FAM107B: variants seen among roughly 807,000 people sequenced by gnomAD.
FAM107B encodes the protein family with sequence similarity 107 member B.
A neutral mutation model predicts 31.5 loss-of-function variants in FAM107B; 21 were observed. The ratio of observed to expected loss-of-function variants is 0.67; its 90% CI spans 0.47 to 0.96. The LOEUF (loss-of-function observed/expected upper bound fraction) is 0.96, where lower values mean the gene tolerates loss of function less well. Ranked by LOEUF, FAM107B falls within the 40% of genes least tolerant of loss-of-function variation. The pLI, the probability that FAM107B is intolerant of heterozygous loss-of-function variation, is 0.00. For missense variants in FAM107B, 452 were observed against 377.1 expected (o/e 1.20, Z -1.64); for synonymous variants, 157 against 141.5 (o/e 1.11, Z -0.78).
At chr10:14,622,432 G>A (rs1034493888) in intron 2 of FAM107B, among the ~76,000 whole-genome samples, 13 of 151,286 alleles carry the variant, frequency 8.6e-5, no homozygotes, top group African/African-American at 1.7e-4. Context: ...TCAACCTCCC[G>A]AGTAGCTGGG....
rs1186478281 is a variant in FAM107B, at chr10:14,520,119, C to T, written c.*1071G>A. 6.6e-6 allele frequency: 1 copy of T among 152,600 alleles called. No individual in the cohort carries two copies. The highest frequency in any genetic ancestry group is 1.5e-5 in the Non-Finnish European group (1 of 68,020). The allele number at this position is 152,600 out of a possible 1,614,324, so 9.5% of individuals were successfully genotyped here. ...AAGGAAAAACAAAGATAAAGAAATA[C>T]ATGAGCATTAATCAGAAATTTTCAA... On this transcript the variant is annotated 3_prime_UTR_variant, in exon 5 of 5. Coordinates refer to ENST00000181796, the MANE Select transcript of FAM107B (RefSeq NM_031453.4).
chr10:14,640,520 C>G (rs1204068770), intron 2 of FAM107B, among the ~76,000 whole-genome samples: 1 of 152,162 alleles, frequency 6.6e-6, no homozygotes, highest in African/African-American at 2.4e-5. Flanking sequence ...CCTGGACCAA[C>G]AGAGCTCTGA....
intron 2 of FAM107B, among the ~76,000 whole-genome samples, chr10:14,662,205 C>T (rs1316495515): frequency 6.6e-6 from 1 of 152,108 alleles, no homozygotes; most frequent in Non-Finnish European, 1.5e-5. Flanking sequence ...AAGAACCTCA[C>T]CTCACTTTTA....
chr10:14,730,753 G>A (rs906008776), intron 1 of FAM107B, among the ~76,000 whole-genome samples: 1 of 152,182 alleles, frequency 6.6e-6, no homozygotes, highest in Non-Finnish European at 1.5e-5. Context: ...GATCTATGGT[G>A]ACCAGCCTCC....
chr10:14,740,200 A>C (rs574574013), intron 1 of FAM107B, among the ~76,000 whole-genome samples: 2 of 152,242 alleles, frequency 1.3e-5, no homozygotes, highest in Non-Finnish European at 2.9e-5. Flanking sequence ...ACTTGGAACC[A>C]ACCAAGATGT....
chr10:14,681,798 C>T (rs545340240), intron 1 of FAM107B, among the ~76,000 whole-genome samples: 193 of 152,272 alleles, frequency 1.3e-3, no homozygotes, highest in African/African-American at 4.3e-3. Context: ...TCCAAATACA[C>T]ACAGCGCAAC....
At chr10:14,669,533 G>C (rs1049030864) in intron 1 of FAM107B, among the ~76,000 whole-genome samples, 1 of 152,056 alleles carries the variant, frequency 6.6e-6, no homozygotes, top group Non-Finnish European at 1.5e-5. Flanking sequence ...TAAAGAAAAT[G>C]TGGTAAATAT....
At chr10:14,669,367 C>A (rs200711148) in intron 1 of FAM107B, among the ~76,000 whole-genome samples, 384 of 119,188 alleles carry the variant, frequency 3.2e-3, no homozygotes, top group South Asian at 5.6e-3. Flanking sequence ...GAGACTCTGT[C>A]AAAAAAAAAA....
Position 14,627,528 on chromosome 10 carries a change from C to T in FAM107B, c.469+40106G>A, listed in dbSNP as rs538672028. On this transcript the variant is annotated intron_variant, in intron 2 of 4. Coordinates refer to ENST00000181796, the MANE Select transcript of FAM107B (RefSeq NM_031453.4). ...ATGGCTCACGCCTGTCATCCCAACACTTTGGAAGGCCAAAGTAGGAGGACC... is the reference window on the plus strand; with the variant it reads ...ATGGCTCACGCCTGTCATCCCAACATTTTGGAAGGCCAAAGTAGGAGGACC... 5.3e-5 allele frequency among the ~76,000 whole-genome samples: 8 copies of T among 152,346 alleles called. No individual in the cohort carries two copies. The South Asian group carries it at 1.4e-3, about 28-fold the overall frequency.
chr10:14,592,204 G>C (rs1434344596), intron 2 of FAM107B, among the ~76,000 whole-genome samples: 5 of 152,168 alleles, frequency 3.3e-5, no homozygotes, highest in Non-Finnish European at 5.9e-5. Flanking sequence ...ACAGAAACTA[G>C]GCTATGAATG....
chr10:14,594,162 A>T (rs1223148034), intron 2 of FAM107B, among the ~76,000 whole-genome samples: 1 of 152,184 alleles, frequency 6.6e-6, no homozygotes, highest in Non-Finnish European at 1.5e-5. Context: ...ACTTTAAGAC[A>T]CTATCATCTC....
At chr10:14,726,712 A>G (rs910815581) in intron 1 of FAM107B, among the ~76,000 whole-genome samples, 1 of 152,054 alleles carries the variant, frequency 6.6e-6, no homozygotes, top group Non-Finnish European at 1.5e-5. Context: ...TGTTTCCCAA[A>G]TTATCAGCTG....
At chr10:14,534,958 A>G (rs1443003564) in intron 2 of FAM107B, 1 of 152,178 alleles carries the variant, frequency 6.6e-6, no homozygotes, top group African/African-American at 2.4e-5. Context: ...CACCGCCATA[A>G]GGTGTAGTGC....
intron 2 of FAM107B, among the ~76,000 whole-genome samples, chr10:14,583,399 A>G (rs1458869091): frequency 6.6e-6 from 1 of 152,144 alleles, no homozygotes; most frequent in Non-Finnish European, 1.5e-5. Context: ...TTAGTGACAG[A>G]TGACATGAAG....
intron 2 of FAM107B, among the ~76,000 whole-genome samples, chr10:14,579,965 T>A (rs1215354133): frequency 6.6e-6 from 1 of 150,568 alleles, no homozygotes; most frequent in Admixed American, 6.6e-5. Context: ...GAAGTTGCAG[T>A]GAGCTGAGAT....
At chr10:14,707,776 C>A (rs1261507080) in intron 1 of FAM107B, among the ~76,000 whole-genome samples, 1 of 152,192 alleles carries the variant, frequency 6.6e-6, no homozygotes, top group Non-Finnish European at 1.5e-5. Flanking sequence ...TGGCTCCCAA[C>A]TCCCACTTCA....
chr10:14,652,760 C>G (rs1441255508), intron 2 of FAM107B: 1 of 152,220 alleles, frequency 6.6e-6, no homozygotes, highest in Non-Finnish European at 1.5e-5. Context: ...AGGTAATACG[C>G]TCCTGAATGT....
intron 2 of FAM107B, among the ~76,000 whole-genome samples, chr10:14,580,003 C>T (rs1368358236): frequency 7.3e-6 from 1 of 136,400 alleles, no homozygotes; most frequent in African/African-American, 2.7e-5. Context: ...GCATGTGTTA[C>T]AGCAAGACTT....
At chr10:14,691,303 G>T (rs1855128333) in intron 1 of FAM107B, among the ~76,000 whole-genome samples, 1 of 152,170 alleles carries the variant, frequency 6.6e-6, no homozygotes, top group African/African-American at 2.4e-5. Flanking sequence ...GAGTACAGAG[G>T]TTAGCTCAGT....
Sources: gnomAD v4.1 joint callset for allele counts (sites outside exome capture counted in the v4.1 genomes callset) on GRCh38, gnomAD v4.1.1 for gene constraint, MANE v1.5 for transcripts, NCBI Gene and HGNC (gene_info 2026-07-23, HGNC 2026-07-21) for gene names.